The following GLI3 variants were observed in gnomAD, a reference collection of about 807,000 sequenced individuals.
GLI3 encodes transcription activator GLI3.
A neutral mutation model predicts 100.8 loss-of-function variants in GLI3; 20 were observed. The ratio of observed to expected loss-of-function variants is 0.20; its 90% CI spans 0.14 to 0.29. The LOEUF (loss-of-function observed/expected upper bound fraction) is 0.29. Among genes scored for constraint, GLI3 ranks in the 10% least tolerant of loss-of-function variants. The pLI is 1.00. For synonymous variants in GLI3, 938 were observed against 860.5 expected (o/e 1.09, Z -1.58); for missense variants, 2,040 against 2,128.5 (o/e 0.96, Z 0.82).
At position 42,013,842 on chromosome 7, in the gene GLI3, T is replaced by C. The variant is rs371969504; in HGVS notation, c.1497+9626A>G. ...CTGATAATCCTGTTTTAAAGAAAGATAGCAGAATCTTAGTACCCTTTGGTA... is the reference window on the plus strand; with the variant it reads ...CTGATAATCCTGTTTTAAAGAAAGACAGCAGAATCTTAGTACCCTTTGGTA... On this transcript the variant is annotated intron_variant, in intron 10 of 14. Coordinates refer to ENST00000395925, the MANE Select transcript of GLI3 (RefSeq NM_000168.6). 9.9e-5 allele frequency among the ~76,000 whole-genome samples: 15 copies of C among 152,260 alleles called. No individual in the cohort carries two copies. The East Asian group carries it at 1.9e-3, about 20-fold the overall frequency.
intron 3 of GLI3, among the ~76,000 whole-genome samples, chr7:42,083,194 C>T (rs1300080196): frequency 1.3e-5 from 2 of 152,152 alleles, no homozygotes; most frequent in African/African-American, 4.8e-5. Flanking sequence ...TGCTCAACCC[C>T]CACTATCCTT....
rs113737006 is a variant in GLI3 at position 41,998,874 on chromosome 7, T to G, written c.1498-20126A>C. Reference sequence around the variant, plus strand: ...CATCTTTCTCTTCTGCTAAAAATATTAGTTTTCACCCCAACCTACTTCAAT... The same window carrying G: ...CATCTTTCTCTTCTGCTAAAAATATGAGTTTTCACCCCAACCTACTTCAAT... On this transcript the variant is annotated intron_variant, in intron 10 of 14. Transcript: ENST00000395925. Among the ~76,000 whole-genome samples the G allele has an allele frequency of 2.8e-3, 433 of 152,346 alleles. 6 individuals are homozygous for G. Among genetic ancestry groups the G allele is most frequent in the African/African-American group, 9.1e-3 (377 of 41,580 alleles).
At chr7:41,976,353 G>T (rs1787513612) in intron 12 of GLI3, among the ~76,000 whole-genome samples, 1 of 152,184 alleles carries the variant, frequency 6.6e-6, no homozygotes, top group South Asian at 2.1e-4. Flanking sequence ...GTATATATAT[G>T]AACTTACATG....
chr7:42,157,179 G>A (rs1289918215), intron 2 of GLI3, among the ~76,000 whole-genome samples: 2 of 152,180 alleles, frequency 1.3e-5, no homozygotes, highest in Non-Finnish European at 2.9e-5. Context: ...GGTGCTGCCC[G>A]GGTCAGGTTT....
At chr7:42,251,993 C>T (rs537040682) in intron 1 of GLI3, among the ~76,000 whole-genome samples, 6 of 152,122 alleles carry the variant, frequency 3.9e-5, no homozygotes, top group East Asian at 1.9e-4. Context: ...ATTTGCAATC[C>T]GATTACTGGG....
In GLI3 at chr7:42,078,798, C is replaced by A. The variant is rs1318938103; in HGVS notation, c.368-1941G>T. Among the ~76,000 whole-genome samples, 4 of 146,082 alleles carry A rather than the reference C, an allele frequency of 2.7e-5. No individual in the cohort carries two copies. In the South Asian group the frequency reaches 8.8e-4, roughly 32 times the overall value. ...AGACTGGAGTGCAGTGGCTCGATCT[C>A]GGCTCACTGTGAGCTCCACCTCCCG... On this transcript the variant is annotated intron_variant, in intron 3 of 14. Transcript: ENST00000395925.
intron 3 of GLI3, among the ~76,000 whole-genome samples, chr7:42,078,078 T>C (rs967038299): frequency 1.3e-5 from 2 of 152,160 alleles, no homozygotes; most frequent in African/African-American, 4.8e-5. Context: ...AATGGGGCCT[T>C]CTCTCAGCGG....
intron 3 of GLI3, among the ~76,000 whole-genome samples, chr7:42,080,272 T>G (rs1784970708): frequency 6.6e-6 from 1 of 152,350 alleles, no homozygotes; most frequent in Non-Finnish European, 1.5e-5. Context: ...CAGTATTCTA[T>G]GAATTTAAAA....
At chr7:42,123,543 C>G (rs1786052710) in intron 3 of GLI3, among the ~76,000 whole-genome samples, 1 of 152,150 alleles carries the variant, frequency 6.6e-6, no homozygotes, top group South Asian at 2.1e-4. Context: ...GTTGTTAATT[C>G]AGTTTAGGCA....
At chr7:42,055,528 T>A (rs1326930512) in intron 4 of GLI3, among the ~76,000 whole-genome samples, 1 of 152,118 alleles carries the variant, frequency 6.6e-6, no homozygotes, top group Non-Finnish European at 1.5e-5. Context: ...AAGGCCACTG[T>A]TCCTGGTGGG....
intron 4 of GLI3, among the ~76,000 whole-genome samples, chr7:42,050,327 T>A (rs928046467): frequency 3.3e-5 from 5 of 152,242 alleles, no homozygotes; most frequent in Non-Finnish European, 5.9e-5. Context: ...CTTGAGGCTT[T>A]CACACCCAAT....
chr7:42,116,252 ACCT>A (rs1186404521), intron 3 of GLI3, among the ~76,000 whole-genome samples: 1 of 151,474 alleles, frequency 6.6e-6, no homozygotes, highest in African/African-American at 2.4e-5. Flanking sequence ...TGAGTTAAAA[ACCT>A]CTGCGTTTTG....
chr7:42,028,910 G>A (rs747345184), intron 7 of GLI3, among the ~76,000 whole-genome samples: 1 of 152,132 alleles, frequency 6.6e-6, no homozygotes, highest in South Asian at 2.1e-4. Flanking sequence ...CGGGGAGCAG[G>A]GGTAGGGGTT....
intron 4 of GLI3, among the ~76,000 whole-genome samples, chr7:42,052,724 G>A (rs955513543): frequency 2.6e-5 from 4 of 152,182 alleles, no homozygotes; most frequent in Admixed American, 2.6e-4. Flanking sequence ...TAGCGGAGCA[G>A]TGGCTGGTAT....
intron 2 of GLI3, among the ~76,000 whole-genome samples, chr7:42,174,616 C>T (rs2128678294): frequency 6.6e-6 from 1 of 152,324 alleles, no homozygotes; most frequent in African/African-American, 2.4e-5. Flanking sequence ...CCCTGACACA[C>T]AGAGAAAACA....
At chr7:42,160,538 G>C (rs935283510) in intron 2 of GLI3, among the ~76,000 whole-genome samples, 4 of 152,164 alleles carry the variant, frequency 2.6e-5, no homozygotes, top group African/African-American at 9.7e-5. Context: ...CATGAGATCA[G>C]GTGTAGAGTT....
chr7:42,194,051 CA>C (rs1465500733), intron 2 of GLI3, among the ~76,000 whole-genome samples: 4 of 152,046 alleles, frequency 2.6e-5, no homozygotes, highest in African/African-American at 9.7e-5. Context: ...CTTTTTTGCC[CA>C]TGATGATAGT....
chr7:42,223,414 T>C (rs1788526684), intron 1 of GLI3, 119 bp from the exon 2 acceptor site: 1 of 608,366 alleles, frequency 1.6e-6, no homozygotes. Flanking sequence ...ATTCAAAATG[T>C]GGATGACACT....
intron 2 of GLI3, among the ~76,000 whole-genome samples, chr7:42,181,547 A>G (rs1488945628): frequency 6.6e-6 from 1 of 152,144 alleles, no homozygotes; most frequent in Non-Finnish European, 1.5e-5. Context: ...CAAGACTGAA[A>G]TGAACCATGA....
Sources: gnomAD v4.1 joint callset for allele counts (sites outside exome capture counted in the v4.1 genomes callset) on GRCh38, gnomAD v4.1.1 for gene constraint, MANE v1.5 for transcripts, NCBI Gene and HGNC (gene_info 2026-07-23, HGNC 2026-07-21) for gene names.